Variants in FGF13 observed in about 807,000 individuals in gnomAD.
FGF13 encodes the protein fibroblast growth factor homologous factor 2.
A neutral mutation model predicts 19.5 loss-of-function variants in FGF13; 2 were observed. The observed-to-expected ratio is 0.10, with a 90% CI of 0.04 to 0.32. FGF13 has a LOEUF of 0.32. FGF13 is among the 10% of genes least tolerant of loss of function. FGF13 has a pLI of 1.00. For synonymous variants in FGF13, 72 were observed against 76.9 expected, an observed-to-expected ratio of 0.94 and a Z score of 0.33; for missense variants, 113 against 192.7, an observed-to-expected ratio of 0.59 and a Z score of 2.45.
chrX:138,864,723 G>A (rs2091308022), intron 1 of FGF13: 1 of 112,637 alleles, frequency 8.9e-6, no homozygotes, highest in Non-Finnish European at 1.9e-5. Context: ...TCTTCCAGAA[G>A]TATTCTGCCC....
At chrX:138,638,797 T>G (rs1473098068) in intron 3 of FGF13, among the ~76,000 whole-genome samples, 2 of 111,924 alleles carry the variant, frequency 1.8e-5, no homozygotes, top group African/African-American at 6.5e-5. Flanking sequence ...ATGGACAGAT[T>G]CTGCAAGTGT....
intron 1 of FGF13, among the ~76,000 whole-genome samples, chrX:138,885,103 A>G (rs140643974): frequency 0.046 from 5,110 of 111,897 alleles, 306 homozygotes; most frequent in African/African-American, 0.16. Context: ...TATGTTGTTG[A>G]AAGTTTGTTG....
chrX:139,181,785 G>C (rs887435632), intron 1 of FGF13, among the ~76,000 whole-genome samples: 1 of 112,170 alleles, frequency 8.9e-6, no homozygotes, highest in Non-Finnish European at 1.9e-5. Context: ...GAAATAAAGT[G>C]CTGAGATAAC....
chrX:139,204,373 G>A, upstream of FGF13: 1 of 261,736 alleles, frequency 3.8e-6, no homozygotes, highest in East Asian at 7.4e-5. Flanking sequence ...GGAGCCGCTC[G>A]CCGCGCTCAA....
intron 3 of FGF13, among the ~76,000 whole-genome samples, chrX:138,765,185 C>T (rs1054772435): frequency 1.3e-4 from 14 of 111,961 alleles, no homozygotes; most frequent in Non-Finnish European, 2.1e-4. Flanking sequence ...CACAGCAGTC[C>T]AGTGAGAGAA....
At chrX:139,197,022 T>A (rs1170594734) in intron 1 of FGF13, among the ~76,000 whole-genome samples, 2 of 112,196 alleles carry the variant, frequency 1.8e-5, no homozygotes, top group African/African-American at 6.5e-5. Context: ...AATGTAAATA[T>A]CCCTAGGTAT....
At chrX:138,874,069 G>A (rs1232227179) in intron 1 of FGF13, among the ~76,000 whole-genome samples, 1 of 103,422 alleles carries the variant, frequency 9.7e-6, no homozygotes, top group African/African-American at 3.5e-5. Flanking sequence ...TGAGTTAATG[G>A]GTGCAGCACA....
chrX:139,085,471 A>G (rs1160426393), intron 1 of FGF13, among the ~76,000 whole-genome samples: 1 of 112,306 alleles, frequency 8.9e-6, no homozygotes, highest in Non-Finnish European at 1.9e-5. Context: ...AGCCACTGAT[A>G]GTATTAAATG....
intron 1 of FGF13, among the ~76,000 whole-genome samples, chrX:139,110,822 G>T (rs2083595874): frequency 9.0e-6 from 1 of 111,649 alleles, no homozygotes; most frequent in Non-Finnish European, 1.9e-5. Context: ...GACAATTGCA[G>T]TAGCAGTGGT....
intron 3 of FGF13, among the ~76,000 whole-genome samples, chrX:138,834,760 T>C (rs1396247178): frequency 1.8e-5 from 2 of 111,147 alleles, no homozygotes; most frequent in Admixed American, 9.6e-5. Flanking sequence ...GGCTGTTAAC[T>C]AGAGATCTTT....
chrX:139,113,925 C>A (rs1340536997), intron 1 of FGF13, among the ~76,000 whole-genome samples: 2 of 111,864 alleles, frequency 1.8e-5, no homozygotes, highest in African/African-American at 6.5e-5. Flanking sequence ...TCAGATTCTC[C>A]GGTGTCTCTA....
rs949547663 is a variant in FGF13 at position 138,650,574 on chromosome X, C to T, written c.403-14919G>A. On this transcript the variant is annotated intron_variant, in intron 3 of 4. Transcript: ENST00000315930. ...ATAGTGAACTATAAACAATACACTA[C>T]ATTCTATGCCAATATAAGATATTAA... Among the ~76,000 whole-genome samples, 18 of 111,414 alleles carry T rather than the reference C, an allele frequency of 1.6e-4. No homozygotes were observed. In the East Asian group the frequency reaches 2.8e-3, roughly 17 times the overall value.
intron 1 of FGF13, among the ~76,000 whole-genome samples, chrX:139,101,574 AAATTTG>A (rs2083514155): frequency 1.8e-5 from 2 of 112,465 alleles, no homozygotes; most frequent in Admixed American, 1.9e-4. Context: ...TGGAAAATAA[AAATTTG>A]AATTTGAGGA....
intron 1 of FGF13, among the ~76,000 whole-genome samples, chrX:139,160,476 G>A (rs1355950390): frequency 9.0e-6 from 1 of 111,029 alleles, no homozygotes; most frequent in African/African-American, 3.3e-5. Context: ...CAGAGGGCAA[G>A]AAATAACTAA....
At chrX:138,869,611 G>A (rs1018357490) in intron 1 of FGF13, among the ~76,000 whole-genome samples, 8 of 112,041 alleles carry the variant, frequency 7.1e-5, no homozygotes, top group Non-Finnish European at 1.1e-4. Flanking sequence ...AAGCTCAAAC[G>A]GTCAACACCT....
rs138262062 is a variant in FGF13, at chrX:138,993,687, C to T, written c.-112-129037G>A. The stretch of plus-strand genomic sequence containing the variant: ...ATAGGAACCAGACAAACGAAATTCT[C>T]GCTGCTTTCTGCACATGATAGCTAT... On this transcript the variant is annotated intron_variant, in intron 1 of 2. Coordinates refer to the FGF13 transcript ENST00000421460. Among the ~76,000 whole-genome samples the T allele has an allele frequency of 8.2e-3, 919 of 111,812 alleles. 9 individuals are homozygous for T. Among genetic ancestry groups the T allele is most frequent in the African/African-American group, 0.028 (877 of 30,794 alleles).
chrX:138,836,881 GTTT>G (rs199771150), intron 3 of FGF13, among the ~76,000 whole-genome samples: 26 of 96,852 alleles, frequency 2.7e-4, no homozygotes, highest in African/African-American at 9.9e-4. Flanking sequence ...TTGGTGGTGG[GTTT>G]TTTTTTTTTT....
chrX:138,684,265 T>C, intron 3 of FGF13, among the ~76,000 whole-genome samples: 1 of 111,841 alleles, frequency 8.9e-6, no homozygotes, highest in Non-Finnish European at 1.9e-5. Flanking sequence ...CTCAAGTTCA[T>C]ACATTCATTT....
At chrX:138,941,678 A>G (rs902431795) in intron 1 of FGF13, among the ~76,000 whole-genome samples, 1 of 112,312 alleles carries the variant, frequency 8.9e-6, no homozygotes, top group African/African-American at 3.2e-5. Flanking sequence ...AGTCTTACAC[A>G]GAAAGAAAGT....
Sources: allele counts gnomAD v4.1 joint callset (sites outside exome capture counted in the v4.1 genomes callset), GRCh38; gene constraint gnomAD v4.1.1; transcripts MANE v1.5; gene names NCBI Gene and HGNC (gene_info 2026-07-23, HGNC 2026-07-21).